MTBP: variants seen among roughly 807,000 people sequenced by gnomAD.
The protein encoded by MTBP is mdm2-binding protein.
A neutral mutation model predicts 117.0 loss-of-function variants in MTBP; 101 were observed. The observed-to-expected ratio is 0.86, with a 90% CI of 0.73 to 1.02. The LOEUF (loss-of-function observed/expected upper bound fraction) is 1.02. MTBP is among the 50% of genes least tolerant of loss of function. The pLI is 0.00. For missense variants in MTBP, 970 were observed against 1,030.9 expected (o/e 0.94, Z 0.81); for synonymous variants, 350 against 351.5 (o/e 1.00, Z 0.05).
intron 5 of MTBP, 65 bp from the exon 6 acceptor site, chr8:120,455,370 A>G: frequency 2.2e-6 from 2 of 907,366 alleles, no homozygotes; most frequent in Non-Finnish European, 3.3e-6. Context: ...TCTTCAGGGT[A>G]CTATTTTGAG....
intron 10 of MTBP, among the ~76,000 whole-genome samples, chr8:120,468,906 T>C (rs1381397286): frequency 6.6e-6 from 1 of 152,180 alleles, no homozygotes; most frequent in East Asian, 1.9e-4. Flanking sequence ...TCGCCCACTT[T>C]TCATCACACA....
At chr8:120,502,401 A>C (rs545698858) in intron 14 of MTBP, 91 bp from the exon 15 acceptor site, 2 of 783,154 alleles carry the variant, frequency 2.6e-6, no homozygotes, top group South Asian at 4.2e-5. Context: ...ATACACACAC[A>C]CGTATGTATG....
At chr8:120,450,070 G>A (rs182707909) in intron 2 of MTBP, among the ~76,000 whole-genome samples, 19 of 152,236 alleles carry the variant, frequency 1.2e-4, no homozygotes, top group Non-Finnish European at 2.6e-4. Context: ...ACACTTGTGT[G>A]TATTTAAATG....
At position 120,483,007 on chromosome 8, in the gene MTBP, C is replaced by CTTT. The variant is rs71306885; in HGVS notation, c.1166-5139_1166-5137dup. Among the ~76,000 whole-genome samples the CTTT allele has an allele frequency of 5.6e-4, 79 of 140,060 alleles. 1 individual carries two copies. Among genetic ancestry groups the CTTT allele is most frequent in the African/African-American group, 1.8e-3 (70 of 38,210 alleles). 91.9% of individuals were successfully genotyped at this position (140,060 alleles called of 152,430 possible). The stretch of plus-strand genomic sequence containing the variant: ...AGCCACCGCACCCGGACAGTACTAT[C>CTTT]TTTTTTTTTTTTTTTAACTATTTTA... On this transcript the variant is annotated intron_variant, in intron 11 of 21. Transcript: ENST00000305949.
Position 120,461,196 on chromosome 8 carries a change from G to C in MTBP, c.918G>C (p.Val306=), listed in dbSNP as rs750748917. 8 of 1,604,600 alleles carry C rather than the reference G, an allele frequency of 5.0e-6. No homozygotes were observed. Among genetic ancestry groups the C allele is most frequent in the Non-Finnish European group, 6.8e-6 (8 of 1,172,646 alleles). The change falls in exon 9 of 22, where the codon GTG becomes GTC. Residue 306 remains valine, a synonymous_variant. Transcript: ENST00000305949. ...ATTATGGCCCTGCTTTAGAATTTGT[G>C]CAGATGATAAAATTATCAGATCTAC... ...FHYYGPALEF[V]QMIKLSDLPS... is the part of the protein sequence containing the mutation.
intron 10 of MTBP, among the ~76,000 whole-genome samples, chr8:120,468,734 G>A (rs921163368): frequency 6.6e-6 from 1 of 152,148 alleles, no homozygotes; most frequent in African/African-American, 2.4e-5. Flanking sequence ...GATTTGCTGA[G>A]CATAAGTCTT....
intron 2 of MTBP, among the ~76,000 whole-genome samples, chr8:120,449,210 G>C (rs1464521280): frequency 6.6e-6 from 1 of 152,118 alleles, no homozygotes; most frequent in Non-Finnish European, 1.5e-5. Context: ...CGTTGAATTG[G>C]TATGATGTAG....
At chr8:120,454,684 A>G (rs1813431326) in intron 5 of MTBP, among the ~76,000 whole-genome samples, 1 of 152,104 alleles carries the variant, frequency 6.6e-6, no homozygotes, top group African/African-American at 2.4e-5. Flanking sequence ...ATATATTAGT[A>G]CAAAAAGCCC....
At chr8:120,485,719 C>T (rs1586956979) in intron 11 of MTBP, among the ~76,000 whole-genome samples, 1 of 152,260 alleles carries the variant, frequency 6.6e-6, no homozygotes, top group East Asian at 1.9e-4. Context: ...ATAAAGATGA[C>T]AATTTAGGTA....
At chr8:120,514,978 G>A (rs145959760) in intron 17 of MTBP, among the ~76,000 whole-genome samples, 23 of 152,100 alleles carry the variant, frequency 1.5e-4, no homozygotes, top group African/African-American at 5.5e-4. Context: ...TATCAAATAT[G>A]TAAGTGTCAC....
At chr8:120,483,275 T>C (rs1431096165) in intron 11 of MTBP, among the ~76,000 whole-genome samples, 1 of 152,132 alleles carries the variant, frequency 6.6e-6, no homozygotes, top group Admixed American at 6.5e-5. Context: ...GTGATCTCAT[T>C]GTTGAAAAGA....
intron 12 of MTBP, 36 bp from the exon 13 acceptor site, chr8:120,490,427 C>G: frequency 1.5e-6 from 2 of 1,340,668 alleles, no homozygotes; most frequent in Non-Finnish European, 2.1e-6. Flanking sequence ...CAAAGGGCAT[C>G]ATTAATGTTG....
At chr8:120,474,052 G>A (rs1297993955) in intron 11 of MTBP, 1 of 151,782 alleles carries the variant, frequency 6.6e-6, no homozygotes. Context: ...TAGGCGTGGG[G>A]GTTTTTTTGG....
At chr8:120,456,864 C>A (rs1341951449) in intron 7 of MTBP, among the ~76,000 whole-genome samples, 194 bp downstream of exon 7, 1 of 152,126 alleles carries the variant, frequency 6.6e-6, no homozygotes, top group East Asian at 1.9e-4. Flanking sequence ...TGCTACTGAG[C>A]ACTTTATATG....
At chr8:120,468,035 C>T (rs1563789740) in intron 10 of MTBP, among the ~76,000 whole-genome samples, 1 of 152,088 alleles carries the variant, frequency 6.6e-6, no homozygotes, top group Non-Finnish European at 1.5e-5. Context: ...TTTAACCGTA[C>T]AGTCTGGTCA....
chr8:120,506,247 C>T (rs761011978), intron 15 of MTBP, among the ~76,000 whole-genome samples: 7 of 152,078 alleles, frequency 4.6e-5, no homozygotes, highest in Admixed American at 1.3e-4. Context: ...TCTCATTTCA[C>T]GGTTGTGCTT....
At position 120,461,183 on chromosome 8, in the gene MTBP, C is replaced by T; in HGVS notation, c.905C>T (p.Ala302Val). ...TAGGTTTTCCATTATTATGGCCCTG[C>T]TTTAGAATTTGTGCAGATGATAAAA... ...LPKVFHYYGP[A>V]LEFVQMIKLS... is the part of the protein sequence containing the mutation. The change falls in exon 9 of 22, where the codon GCT becomes GTT. Residue 302 changes from alanine (A) to valine (V), a missense_variant. By Grantham distance (64) the Ala-to-Val change is moderately conservative. Transcript: ENST00000305949. 1 of 1,600,824 alleles carries T rather than the reference C, an allele frequency of 6.2e-7. No individual in the cohort carries two copies. The highest frequency in any genetic ancestry group is 2.2e-5 in the East Asian group (1 of 44,686).
chr8:120,518,648 T>A, intron 19 of MTBP, 56 bp from the exon 20 acceptor site: 1 of 1,177,572 alleles, frequency 8.5e-7, no homozygotes, highest in Non-Finnish European at 1.2e-6. Context: ...AAAGCTGAAA[T>A]AATAGGTTTG....
chr8:120,498,904 A>T (rs1217405114), intron 14 of MTBP, among the ~76,000 whole-genome samples: 1 of 152,120 alleles, frequency 6.6e-6, no homozygotes. Context: ...GGCTCAAATA[A>T]TTGCTAGGGC....
Sources: allele counts gnomAD v4.1 joint callset (sites outside exome capture counted in the v4.1 genomes callset), GRCh38; gene constraint gnomAD v4.1.1; transcripts MANE v1.5; gene names NCBI Gene and HGNC (gene_info 2026-07-23, HGNC 2026-07-21).